TULP4: variants seen among roughly 807,000 people sequenced by gnomAD.
The protein encoded by TULP4 is tubby-related protein 4.
In TULP4, 16 loss-of-function variants were observed where a neutral mutation model predicts 129.0. That is an observed-to-expected ratio of 0.12 (90% CI 0.08 to 0.19). The LOEUF is 0.19. TULP4 is among the 10% of genes least tolerant of loss of function. TULP4 has a pLI of 1.00. For synonymous variants in TULP4, 998 were observed against 854.0 expected, an observed-to-expected ratio of 1.17 and a Z score of -2.94; for missense variants, 1,842 against 2,059.1, an observed-to-expected ratio of 0.89 and a Z score of 2.04.
In TULP4 at chr6:158,489,751, G is replaced by A. The variant is rs571201191; in HGVS notation, c.1631+19G>A. ...TCCCAAGGTAATCTCAGTCTTTGGG[G>A]AGATCGTCCTTTCTTGTGCCTCTGA... On this transcript the variant is annotated intron_variant, in intron 9 of 13. Coordinates refer to ENST00000367097, the MANE Select transcript of TULP4 (RefSeq NM_020245.5). 1.9e-6 allele frequency: 3 copies of A among 1,614,012 alleles called. No individual in the cohort carries two copies. In the East Asian group the frequency reaches 6.7e-5, roughly 36 times the overall value.
chr6:158,408,870 G>T (rs1261030304), intron 1 of TULP4, among the ~76,000 whole-genome samples: 3 of 152,230 alleles, frequency 2.0e-5, no homozygotes, highest in Non-Finnish European at 4.4e-5. Flanking sequence ...AATTGTAGTT[G>T]TTGCTGGTTC....
At chr6:158,415,506 C>T (rs1226030064) in intron 2 of TULP4, among the ~76,000 whole-genome samples, 19 of 150,558 alleles carry the variant, frequency 1.3e-4, no homozygotes, top group Non-Finnish European at 2.4e-4. Context: ...CCCACCACCA[C>T]GCCCGGCTAA....
intron 1 of TULP4, among the ~76,000 whole-genome samples, chr6:158,303,542 G>A (rs1779163913): frequency 6.6e-6 from 1 of 152,142 alleles, no homozygotes; most frequent in Non-Finnish European, 1.5e-5. Context: ...AAGGGCAAAA[G>A]CAGAACTACT....
rs1464832110 is a variant in TULP4 at position 158,313,621 on chromosome 6, C to T, written c.-396C>T. The T allele has an allele frequency of 2.4e-6, 1 of 424,388 alleles. No individual in the cohort carries two copies. Among genetic ancestry groups the T allele is most frequent in the Non-Finnish European group, 4.1e-6 (1 of 241,804 alleles). The allele number at this position is 424,388 out of a possible 1,614,324, so 26.3% of individuals were successfully genotyped here. A position where few individuals can be genotyped will look rare whatever the true frequency, so the allele number is the denominator to read the frequency against. On this transcript the variant is annotated 5_prime_UTR_variant, in exon 1 of 14. Transcript: ENST00000367097. ...CCTTTGTCTCTGGAATCATATTACA[C>T]TAAACTGGAATCTCAGGCTGAATGA...
chr6:158,480,950 G>A (rs955072087), intron 7 of TULP4, 105 bp from the exon 8 acceptor site: 56 of 1,011,318 alleles, frequency 5.5e-5, no homozygotes, highest in Non-Finnish European at 7.7e-5. Context: ...TGCTCTGTCT[G>A]GAACAGTAGC....
intron 3 of TULP4, among the ~76,000 whole-genome samples, chr6:158,436,053 C>G (rs578250920): frequency 3.3e-5 from 5 of 152,050 alleles, no homozygotes; most frequent in Non-Finnish European, 7.4e-5. Context: ...TAGCTGGGAC[C>G]ACACAGGCAT....
In TULP4 at chr6:158,489,729, C is replaced by A. The variant is rs1161215196; in HGVS notation, c.1628C>A (p.Pro543Gln). The A allele has an allele frequency of 6.2e-7, 1 of 1,614,100 alleles. No homozygotes were observed. Among genetic ancestry groups the A allele is most frequent in the African/African-American group, 1.3e-5 (1 of 74,950 alleles). The stretch of plus-strand genomic sequence containing the variant: ...AGAGCTAGCAAATCACCCAAACTCC[C>A]AAGGTAATCTCAGTCTTTGGGGAGA... Reference protein sequence around the residue: ...ISRASKSPKLPRISIEARKSP... With the variant: ...ISRASKSPKLQRISIEARKSP... Residue 543 changes from proline to glutamine, a missense_variant, in exon 9 of 14, where the codon CCA becomes CAA. Pro to Gln is a moderately conservative substitution (Grantham distance 76, BLOSUM62 -1). This residue lies in a region of TULP4 where 456 missense variants were observed against 534.3 expected (regional missense o/e 0.85). Coordinates refer to ENST00000367097, the MANE Select transcript of TULP4 (RefSeq NM_020245.5).
At chr6:158,374,927 T>C (rs1777152776) in intron 1 of TULP4, among the ~76,000 whole-genome samples, 1 of 152,232 alleles carries the variant, frequency 6.6e-6, no homozygotes, top group Non-Finnish European at 1.5e-5. Context: ...GTGGACTTGC[T>C]ATGCTTACCT....
intron 1 of TULP4, among the ~76,000 whole-genome samples, chr6:158,335,274 C>CA (rs61418142): frequency 3.4e-4 from 41 of 121,558 alleles, no homozygotes; most frequent in Admixed American, 9.8e-4. Context: ...GAGACTGTCT[C>CA]AAAAAAAAAA....
intron 1 of TULP4, among the ~76,000 whole-genome samples, chr6:158,385,072 C>G (rs568562259): frequency 6.6e-6 from 1 of 152,272 alleles, no homozygotes; most frequent in South Asian, 2.1e-4. Context: ...AAGTTATCCT[C>G]GCCCACGTCA....
At chr6:158,473,920 C>T (rs867076103) in intron 6 of TULP4, among the ~76,000 whole-genome samples, 18 of 150,626 alleles carry the variant, frequency 1.2e-4, no homozygotes, top group Admixed American at 7.9e-4. Flanking sequence ...TGGGCTCAAA[C>T]GATCCTCCTG....
intron 3 of TULP4, among the ~76,000 whole-genome samples, chr6:158,433,388 T>G (rs1380255081): frequency 6.6e-6 from 1 of 152,196 alleles, no homozygotes; most frequent in Non-Finnish European, 1.5e-5. Context: ...CTCATCCTAG[T>G]CTGAGGGTTG....
intron 1 of TULP4, among the ~76,000 whole-genome samples, chr6:158,320,480 G>A (rs1382231732): frequency 6.6e-6 from 1 of 150,648 alleles, no homozygotes; most frequent in Non-Finnish European, 1.5e-5. Flanking sequence ...TGCCCAGGCT[G>A]GAGTGCAATG....
intron 2 of TULP4, among the ~76,000 whole-genome samples, chr6:158,418,121 G>A (rs1469995469): frequency 2.1e-5 from 3 of 144,932 alleles, no homozygotes; most frequent in African/African-American, 7.6e-5. Context: ...TTTTTTGGGA[G>A]CGGGGGAGAC....
chr6:158,240,288 G>A (rs1777852881), intron 1 of TULP4, among the ~76,000 whole-genome samples: 1 of 85,646 alleles, frequency 1.2e-5, no homozygotes, highest in African/African-American at 4.0e-5. Context: ...CCCAGTAGGG[G>A]TGGCCGGGCA....
chr6:158,363,152 T>G (rs1780839146), intron 1 of TULP4, among the ~76,000 whole-genome samples: 1 of 151,940 alleles, frequency 6.6e-6, no homozygotes, highest in Non-Finnish European at 1.5e-5. Context: ...TAATACTTCC[T>G]TTATTCCCTG....
At chr6:158,432,945 T>C (rs985182578) in intron 3 of TULP4, among the ~76,000 whole-genome samples, 1 of 152,228 alleles carries the variant, frequency 6.6e-6, no homozygotes, top group Non-Finnish European at 1.5e-5. Flanking sequence ...TTCCTGAGAA[T>C]AAAGCCTTTC....
chr6:158,237,742 C>A (rs1487117247), intron 1 of TULP4: 2 of 857,570 alleles, frequency 2.3e-6, no homozygotes, highest in Non-Finnish European at 2.0e-6. Flanking sequence ...AACTTTTCCA[C>A]CCTTCCAAAT....
chr6:158,436,886 A>G (rs1778765749), intron 3 of TULP4, among the ~76,000 whole-genome samples: 1 of 152,190 alleles, frequency 6.6e-6, no homozygotes. Flanking sequence ...TTTTAAACCT[A>G]GAAAGTGGGT....
Sources: allele counts gnomAD v4.1 joint callset (sites outside exome capture counted in the v4.1 genomes callset), GRCh38; gene constraint gnomAD v4.1.1; regional missense constraint gnomAD v4.1.1; transcripts MANE v1.5; gene names NCBI Gene and HGNC (gene_info 2026-07-23, HGNC 2026-07-21).